CNGB3: variants seen among roughly 807,000 people sequenced by gnomAD.
CNGB3 encodes the protein cyclic nucleotide-gated channel beta-3.
A neutral mutation model predicts 92.8 loss-of-function variants in CNGB3; 86 were observed. The observed-to-expected ratio is 0.93, with a 90% confidence interval of 0.78 to 1.11. The LOEUF is 1.11. Ranked by LOEUF, CNGB3 falls within the 50% of genes least tolerant of loss-of-function variation. CNGB3 has a pLI of 0.00. For missense variants in CNGB3, 1,026 were observed against 956.8 expected, an observed-to-expected ratio of 1.07 and a Z score of -0.95; for synonymous variants, 333 against 332.7, an observed-to-expected ratio of 1.00 and a Z score of -0.01.
At chr8:86,658,484 G>T in intron 6 of CNGB3, 1 of 411,232 alleles carries the variant, frequency 2.4e-6, no homozygotes, top group Non-Finnish European at 4.7e-6. Flanking sequence ...CCACGACTTT[G>T]CCCTGAGCTT....
rs144359079 is a variant in CNGB3 at position 86,692,966 on chromosome 8, A to G, written c.339-21868T>C. ...AGGATTTGTTTGTCTGGGAAAGACT[A>G]TATCTTTCCTTCATTTATGAAGCAT... is the stretch of plus-strand genomic sequence containing the variant. On this transcript the variant is annotated intron_variant, in intron 3 of 17. Coordinates refer to ENST00000320005, the MANE Select transcript of CNGB3 (RefSeq NM_019098.5). Among the ~76,000 whole-genome samples, 528 of 152,272 alleles carry G rather than the reference A, an allele frequency of 3.5e-3. 6 individuals are homozygous for G. Among genetic ancestry groups the G allele is most frequent in the African/African-American group, 0.012 (501 of 41,562 alleles).
At chr8:86,613,907 TATA>T (rs1158520169) in intron 13 of CNGB3, among the ~76,000 whole-genome samples, 5 of 147,756 alleles carry the variant, frequency 3.4e-5, no homozygotes, top group Admixed American at 2.0e-4. Flanking sequence ...TATATGTATA[TATA>T]ATATGTACAT....
intron 15 of CNGB3, among the ~76,000 whole-genome samples, chr8:86,588,530 T>G (rs1248869541): frequency 1.3e-5 from 2 of 151,472 alleles, no homozygotes; most frequent in African/African-American, 4.9e-5. Flanking sequence ...CCTAATTTAT[T>G]GAGAGTTTTT....
At chr8:86,614,615 C>A (rs933540479) in intron 13 of CNGB3, among the ~76,000 whole-genome samples, 1 of 151,932 alleles carries the variant, frequency 6.6e-6, no homozygotes, top group Admixed American at 6.6e-5. Flanking sequence ...CATATCCAAA[C>A]CTAACTTTTT....
chr8:86,591,102 G>A (rs1399865285), intron 15 of CNGB3, among the ~76,000 whole-genome samples: 3 of 151,156 alleles, frequency 2.0e-5, no homozygotes, highest in African/African-American at 4.9e-5. Context: ...ATCTTCCATT[G>A]CTGATACCCT....
chr8:86,694,102 C>T (rs868796763), intron 3 of CNGB3, among the ~76,000 whole-genome samples: 1,059 of 97,710 alleles, frequency 0.011, 43 homozygotes, highest in African/African-American at 0.04. Flanking sequence ...CCCTCCCAGA[C>T]GGGGCGGCTG....
intron 3 of CNGB3, among the ~76,000 whole-genome samples, chr8:86,703,699 C>A (rs1824598615): frequency 6.6e-6 from 1 of 152,128 alleles, no homozygotes; most frequent in South Asian, 2.1e-4. Flanking sequence ...GGAGCCAGTG[C>A]TGGGGAGACT....
intron 13 of CNGB3, among the ~76,000 whole-genome samples, chr8:86,624,176 TGGGA>T: frequency 6.6e-6 from 1 of 152,232 alleles, no homozygotes; most frequent in East Asian, 1.9e-4. Flanking sequence ...TCCAGCACTT[TGGGA>T]GGCTGAGGGG....
At chr8:86,698,413 A>G (rs1190276522) in intron 3 of CNGB3, among the ~76,000 whole-genome samples, 1 of 152,226 alleles carries the variant, frequency 6.6e-6, no homozygotes, top group Non-Finnish European at 1.5e-5. Flanking sequence ...TCAACCTTGT[A>G]CTTGGTGGAG....
At chr8:86,732,376 G>C (rs923599573) in intron 2 of CNGB3, among the ~76,000 whole-genome samples, 1 of 152,166 alleles carries the variant, frequency 6.6e-6, no homozygotes, top group African/African-American at 2.4e-5. Flanking sequence ...TGGGGAAAAC[G>C]GTTGTTATCT....
At chr8:86,733,275 A>G (rs1825190548) in intron 2 of CNGB3, among the ~76,000 whole-genome samples, 1 of 152,116 alleles carries the variant, frequency 6.6e-6, no homozygotes, top group African/African-American at 2.4e-5. Context: ...ACATGATTTC[A>G]TTCTTTTTTA....
rs1585989016 is a variant in CNGB3 at position 86,644,477 on chromosome 8, A to G, written c.1055+145T>C. ...CACTTAAAATATCCACATCTGTTCT[A>G]GAACATAGTCCTATATTTTATATAG... On this transcript the variant is annotated intron_variant, in intron 9 of 17. Transcript: ENST00000320005. The G allele has an allele frequency of 3.0e-6, 3 of 1,009,778 alleles. No homozygotes were observed. The East Asian group carries it at 8.8e-5, about 30-fold the overall frequency. The allele number at this position is 1,009,778 out of a possible 1,614,324, so 62.6% of individuals were successfully genotyped here.
intron 3 of CNGB3, among the ~76,000 whole-genome samples, chr8:86,692,399 G>A (rs1273622619): frequency 6.6e-6 from 1 of 152,086 alleles, no homozygotes; most frequent in Non-Finnish European, 1.5e-5. Flanking sequence ...TTATAAGTTT[G>A]GGAGCTCCAG....
At chr8:86,661,578 T>C (rs796073482) in intron 6 of CNGB3, 2 of 750,900 alleles carry the variant, frequency 2.7e-6, no homozygotes, top group African/African-American at 3.5e-5. Flanking sequence ...AAATTTTCTT[T>C]TTCAATTCCT....
chr8:86,725,338 T>C (rs1407239015), intron 3 of CNGB3, among the ~76,000 whole-genome samples: 2 of 152,140 alleles, frequency 1.3e-5, no homozygotes, highest in Non-Finnish European at 2.9e-5. Context: ...TCTTGGTTGC[T>C]TATCTGTTGA....
chr8:86,632,050 T>C (rs528228699), intron 11 of CNGB3, among the ~76,000 whole-genome samples: 82 of 151,932 alleles, frequency 5.4e-4, no homozygotes, highest in Non-Finnish European at 9.1e-4. Context: ...ACAAAAAAAA[T>C]TAGCTTGGTG....
intron 12 of CNGB3, 90 bp downstream of exon 12, chr8:86,628,829 G>C: frequency 7.3e-7 from 1 of 1,374,478 alleles, no homozygotes; most frequent in Non-Finnish European, 1.0e-6. Flanking sequence ...TCAACCTTTT[G>C]TTCAAATCCA....
At chr8:86,719,708 A>T (rs1824929591) in intron 3 of CNGB3, among the ~76,000 whole-genome samples, 6 of 152,190 alleles carry the variant, frequency 3.9e-5, no homozygotes, top group Admixed American at 3.9e-4. Flanking sequence ...AAACAAAAGA[A>T]ACAAATCTGG....
rs146737291 is a variant in CNGB3, at chr8:86,618,622, A to G, written c.1579-6951T>C. On this transcript the variant is annotated intron_variant, in intron 13 of 17. Transcript: ENST00000320005. ...GCTTTAGACAGGTCAACTGCTGAGG[A>G]TGTATAGTTGAATGGAGTTCATTTA... Among the ~76,000 whole-genome samples, 264 of 152,304 alleles carry G rather than the reference A, an allele frequency of 1.7e-3. 3 individuals are homozygous for G. Among genetic ancestry groups the G allele is most frequent in the African/African-American group, 6.3e-3 (260 of 41,562 alleles).
Sources: gnomAD v4.1 joint callset for allele counts (sites outside exome capture counted in the v4.1 genomes callset) on GRCh38, gnomAD v4.1.1 for gene constraint, MANE v1.5 for transcripts, NCBI Gene and HGNC (gene_info 2026-07-23, HGNC 2026-07-21) for gene names.